HACL1: variants seen among roughly 807,000 people sequenced by gnomAD.
HACL1 encodes 2-hydroxyacyl-CoA lyase 1.
In HACL1, 64 loss-of-function variants were observed where a neutral mutation model predicts 74.2. The observed-to-expected ratio is 0.86, with a 90% CI of 0.70 to 1.06. HACL1 has a LOEUF of 1.06. Among genes scored for constraint, HACL1 ranks in the 50% least tolerant of loss-of-function variants. HACL1 has a pLI of 0.00. For missense variants in HACL1, 728 were observed against 719.7 expected, an observed-to-expected ratio of 1.01 and a Z score of -0.13; for synonymous variants, 230 against 238.8, an observed-to-expected ratio of 0.96 and a Z score of 0.34.
At chr3:15,579,592 A>G (rs962780380) in intron 9 of HACL1, among the ~76,000 whole-genome samples, 1 of 152,228 alleles carries the variant, frequency 6.6e-6, no homozygotes, top group East Asian at 1.9e-4. Context: ...AATATTCAAG[A>G]TTTGAGAATC....
chr3:15,580,972 G>T (rs542342860), intron 8 of HACL1, among the ~76,000 whole-genome samples: 1 of 152,368 alleles, frequency 6.6e-6, no homozygotes, highest in South Asian at 2.1e-4. Flanking sequence ...CGCGATCTCG[G>T]TTCACTGCAA....
At chr3:15,591,119 G>C (rs1171386422) in intron 4 of HACL1, among the ~76,000 whole-genome samples, 1 of 152,090 alleles carries the variant, frequency 6.6e-6, no homozygotes, top group Non-Finnish European at 1.5e-5. Flanking sequence ...TAAATTACTG[G>C]TGCTTTGAAT....
intron 2 of HACL1, among the ~76,000 whole-genome samples, chr3:15,600,633 G>A (rs1443583231): frequency 6.6e-6 from 1 of 152,140 alleles, no homozygotes; most frequent in Non-Finnish European, 1.5e-5. Context: ...CAAAGCCTTG[G>A]CCTTCACTCA....
At chr3:15,584,824 T>A (rs2063767421) in intron 7 of HACL1, among the ~76,000 whole-genome samples, 3 of 152,168 alleles carry the variant, frequency 2.0e-5, no homozygotes, top group Admixed American at 1.3e-4. Context: ...ATATGAGAAA[T>A]CATAGAAACC....
intron 12 of HACL1, among the ~76,000 whole-genome samples, chr3:15,570,623 T>TACACACACATGC (rs1396976638): frequency 7.1e-6 from 1 of 140,628 alleles, no homozygotes; most frequent in African/African-American, 2.5e-5. Context: ...GAAAGCACAA[T>TACACACACATGC]ACACACACAT....
At chr3:15,578,926 G>C (rs1392776558) in intron 9 of HACL1, among the ~76,000 whole-genome samples, 2 of 152,222 alleles carry the variant, frequency 1.3e-5, no homozygotes, top group Non-Finnish European at 2.9e-5. Flanking sequence ...CTACAGAGGA[G>C]AGAAAATAAA....
intron 12 of HACL1, among the ~76,000 whole-genome samples, chr3:15,570,766 A>G (rs775060763): frequency 2.0e-5 from 3 of 152,058 alleles, no homozygotes; most frequent in Non-Finnish European, 4.4e-5. Flanking sequence ...GCTACCAGGC[A>G]AAGCCAAGAG....
At chr3:15,595,444 A>G (rs559909168) in intron 3 of HACL1, among the ~76,000 whole-genome samples, 54 of 151,922 alleles carry the variant, frequency 3.6e-4, no homozygotes, top group African/African-American at 1.3e-3. Flanking sequence ...TGGAAATAAA[A>G]AAATGTATTA....
intron 14 of HACL1, among the ~76,000 whole-genome samples, chr3:15,566,572 G>A (rs528516303): frequency 1.1e-4 from 17 of 152,098 alleles, no homozygotes; most frequent in Middle Eastern, 6.8e-3. Flanking sequence ...GGCAGGATCC[G>A]TTGAACTTGG....
At position 15,601,397 on chromosome 3, in the gene HACL1, C is replaced by G. The variant is rs1378179046; in HGVS notation, c.67G>C (p.Ala23Pro). ...QVSGAKVIAQ[A>P]LKTQDVEYIF... ...GTCCATCGTACTTGCGTTTTCAGGG[C>G]CTGAGCGATGACTTTAGCACCAGAC... is the stretch of plus-strand genomic sequence containing the variant. Residue 23 changes from alanine to proline, a missense_variant, in exon 1 of 17, where the codon GCC becomes CCC. Coordinates refer to ENST00000321169, the MANE Select transcript of HACL1 (RefSeq NM_012260.4). The G allele has an allele frequency of 4.3e-6, 7 of 1,614,010 alleles. No individual in the cohort carries two copies. Among genetic ancestry groups the G allele is most frequent in the Non-Finnish European group, 5.9e-6 (7 of 1,180,052 alleles).
At chr3:15,570,847 T>C (rs1424009590) in intron 12 of HACL1, among the ~76,000 whole-genome samples, 1 of 151,926 alleles carries the variant, frequency 6.6e-6, no homozygotes, top group Non-Finnish European at 1.5e-5. Context: ...AGGCTATACA[T>C]TGGATCAAAA....
intron 8 of HACL1, among the ~76,000 whole-genome samples, chr3:15,581,058 C>T (rs906474953): frequency 2.6e-5 from 4 of 152,216 alleles, no homozygotes; most frequent in Non-Finnish European, 4.4e-5. Context: ...CCTGCCACCA[C>T]GCCCAGCTAA....
rs1304096562 is a variant in HACL1, at chr3:15,601,384, T to C, written c.80A>G (p.Gln27Arg). Residue 27 changes from glutamine to arginine, a missense_variant and splice_region_variant, in exon 1 of 17, where the codon CAA (glutamine) becomes CGA (arginine). Coordinates refer to ENST00000321169, the MANE Select transcript of HACL1 (RefSeq NM_012260.4). Reference sequence around the variant, plus strand: ...TCATTCCAGGAAGGTCCATCGTACTTGCGTTTTCAGGGCCTGAGCGATGAC... The same window carrying C: ...TCATTCCAGGAAGGTCCATCGTACTCGCGTTTTCAGGGCCTGAGCGATGAC... ...AKVIAQALKT[Q>R]DVEYIFGIVG... is the part of the protein sequence containing the mutation. 1.2e-6 allele frequency: 2 copies of C among 1,613,984 alleles called. No individual in the cohort carries two copies. Among genetic ancestry groups the C allele is most frequent in the East Asian group, 2.2e-5 (1 of 44,886 alleles).
chr3:15,580,091 C>T (rs777762534), intron 8 of HACL1, 46 bp from the exon 9 acceptor site: 17 of 1,488,500 alleles, frequency 1.1e-5, no homozygotes, highest in Admixed American at 4.2e-5. Flanking sequence ...AAGCTATAGG[C>T]ACTGTGACCC....
chr3:15,584,523 G>A (rs1025144743), intron 7 of HACL1, among the ~76,000 whole-genome samples: 5 of 152,188 alleles, frequency 3.3e-5, no homozygotes, highest in African/African-American at 9.7e-5. Flanking sequence ...AGGAGGCAGA[G>A]GTTGCAGTGA....
chr3:15,561,646 G>A (rs2063349112), intron 16 of HACL1, among the ~76,000 whole-genome samples: 1 of 152,048 alleles, frequency 6.6e-6, no homozygotes, highest in Non-Finnish European at 1.5e-5. Flanking sequence ...ATTTGTTAGG[G>A]CTTTTCTGTG....
In HACL1 at chr3:15,594,990, G is replaced by A. The variant is rs1190922858; in HGVS notation, c.227+1394C>T. Among the ~76,000 whole-genome samples the A allele has an allele frequency of 2.6e-5, 4 of 152,246 alleles. 1 individual carries two copies. In the South Asian group the frequency reaches 8.3e-4, roughly 32 times the overall value. On this transcript the variant is annotated intron_variant, in intron 3 of 16. Transcript: ENST00000321169. ...TAAAATACAAAAATTAGCTGGGTGT[G>A]GTGGTGCATGCCTGTAATCCCAGCT...
chr3:15,598,006 ATTTTG>A (rs751089661), intron 2 of HACL1, among the ~76,000 whole-genome samples: 27 of 150,840 alleles, frequency 1.8e-4, no homozygotes, highest in East Asian at 9.8e-4. Context: ...GTTTTGTTTT[ATTTTG>A]TTTTGTTTTG....
chr3:15,578,097 C>CAAAAAA (rs397876768), intron 9 of HACL1, among the ~76,000 whole-genome samples: 2 of 60,276 alleles, frequency 3.3e-5, no homozygotes, highest in Non-Finnish European at 7.6e-5. Flanking sequence ...GACTCCGTCT[C>CAAAAAA]AAAAAAAAAA....
Sources: gnomAD v4.1 joint callset for allele counts (sites outside exome capture counted in the v4.1 genomes callset) on GRCh38, gnomAD v4.1.1 for gene constraint, MANE v1.5 for transcripts, NCBI Gene and HGNC (gene_info 2026-07-23, HGNC 2026-07-21) for gene names.